Variants in ANKRD30BL observed in about 807,000 individuals in gnomAD.
The protein encoded by ANKRD30BL is putative ankyrin repeat domain-containing protein 30B-like.
ANKRD30BL carries 20 observed loss-of-function variants against 18.4 expected under a neutral mutation model. The ratio of observed to expected loss-of-function variants is 1.09; its 90% CI spans 0.77 to 1.58. The LOEUF (loss-of-function observed/expected upper bound fraction) is 1.58. ANKRD30BL is among the 40% of genes most tolerant of loss of function. The pLI is 0.00. For missense variants in ANKRD30BL, 224 were observed against 268.6 expected (o/e 0.83, Z 1.16); for synonymous variants, 72 against 100.9 (o/e 0.71, Z 1.72).
intron 1 of ANKRD30BL, among the ~76,000 whole-genome samples, chr2:132,205,913 C>G (rs1679203120): frequency 6.6e-6 from 1 of 152,156 alleles, no homozygotes; most frequent in South Asian, 2.1e-4. Flanking sequence ...GTAATCCCAG[C>G]ACTTTGGGAG....
At chr2:132,206,968 C>T (rs1305175506) in intron 1 of ANKRD30BL, among the ~76,000 whole-genome samples, 1 of 152,164 alleles carries the variant, frequency 6.6e-6, no homozygotes, top group African/African-American at 2.4e-5. Context: ...CTCCTCCCTG[C>T]GTCTCTGTTT....
At chr2:132,251,474 T>C (rs1680647259) in intron 1 of ANKRD30BL, among the ~76,000 whole-genome samples, 2 of 152,242 alleles carry the variant, frequency 1.3e-5, no homozygotes, top group African/African-American at 4.8e-5. Context: ...CACGTTTTCC[T>C]CCACCCCTTC....
chr2:132,160,862 G>T (rs1398905759), intron 1 of ANKRD30BL, among the ~76,000 whole-genome samples: 2 of 151,264 alleles, frequency 1.3e-5, no homozygotes, highest in African/African-American at 4.9e-5. Context: ...ATGTTAAAAC[G>T]TTGATAACTT....
At chr2:132,242,995 A>G (rs62164000) in intron 1 of ANKRD30BL, among the ~76,000 whole-genome samples, 1 of 151,540 alleles carries the variant, frequency 6.6e-6, no homozygotes, top group East Asian at 1.9e-4. Context: ...CTCTTCTTGT[A>G]GTATTTACAA....
chr2:132,184,088 T>C (rs183201891), intron 1 of ANKRD30BL, among the ~76,000 whole-genome samples: 8 of 152,196 alleles, frequency 5.3e-5, no homozygotes, highest in African/African-American at 1.4e-4. Flanking sequence ...GATTTTTTTT[T>C]TTTGAGATGA....
Position 132,249,332 on chromosome 2 carries a change from C to A in ANKRD30BL, n.441+8197G>T, listed in dbSNP as rs905837816. On this transcript the variant is annotated intron_variant and non_coding_transcript_variant, in intron 1 of 4. Coordinates refer to the ANKRD30BL transcript ENST00000470729. The stretch of plus-strand genomic sequence containing the variant: ...TTTTCACCATAAGCCTGAAAGTGTT[C>A]ACAAATATCCATTTGCAGATTCTAC... Among the ~76,000 whole-genome samples, 70 of 151,564 alleles carry A rather than the reference C, an allele frequency of 4.6e-4. 1 individual carries two copies. The highest frequency in any genetic ancestry group is 8.4e-4 in the Non-Finnish European group (57 of 67,834).
At chr2:132,232,678 G>C (rs1435247141) in intron 1 of ANKRD30BL, among the ~76,000 whole-genome samples, 1 of 152,092 alleles carries the variant, frequency 6.6e-6, no homozygotes, top group East Asian at 1.9e-4. Flanking sequence ...AGAAATATGG[G>C]ACTATGTGAA....
chr2:132,222,030 T>C (rs1679703316), intron 1 of ANKRD30BL, among the ~76,000 whole-genome samples: 2 of 89,652 alleles, frequency 2.2e-5, no homozygotes, highest in Non-Finnish European at 2.1e-5. Flanking sequence ...AGCCACCCTG[T>C]CCGGGAGGGA....
At chr2:132,202,394 A>T (rs565212288) in intron 1 of ANKRD30BL, among the ~76,000 whole-genome samples, 38 of 149,878 alleles carry the variant, frequency 2.5e-4, no homozygotes, top group African/African-American at 8.6e-4. Context: ...TTAAAGTAAA[A>T]TAAAAATTTG....
At chr2:132,244,776 C>G (rs1010171544) in intron 1 of ANKRD30BL, among the ~76,000 whole-genome samples, 2 of 152,296 alleles carry the variant, frequency 1.3e-5, no homozygotes, top group African/African-American at 4.8e-5. Context: ...AAAAACTAGA[C>G]AGAAGCATTC....
At chr2:132,253,453 G>A (rs1311076443) in intron 1 of ANKRD30BL, 2 of 152,598 alleles carry the variant, frequency 1.3e-5, no homozygotes, top group African/African-American at 4.8e-5. Flanking sequence ...ACAACACAGA[G>A]AGGTGGTGCC....
At chr2:132,163,730 G>A (rs1263782175), upstream of ANKRD30BL, among the ~76,000 whole-genome samples, 1 of 152,206 alleles carries the variant, frequency 6.6e-6, no homozygotes, top group African/African-American at 2.4e-5. Flanking sequence ...CCAGCTGCAG[G>A]AGGGTGGGAA....
At chr2:132,247,604 A>G (rs540914757) in intron 1 of ANKRD30BL, among the ~76,000 whole-genome samples, 233 of 152,032 alleles carry the variant, frequency 1.5e-3, no homozygotes, top group Non-Finnish European at 2.6e-3. Context: ...TTATCTCCAT[A>G]GGCCTCAAAA....
chr2:132,230,905 G>A (rs1573870532), intron 1 of ANKRD30BL, among the ~76,000 whole-genome samples: 1 of 152,036 alleles, frequency 6.6e-6, no homozygotes, highest in East Asian at 1.9e-4. Flanking sequence ...TTTTGATAGA[G>A]CAGTTTTGAA....
At chr2:132,171,132 G>A (rs186270483) in intron 1 of ANKRD30BL, among the ~76,000 whole-genome samples, 66 of 139,430 alleles carry the variant, frequency 4.7e-4, no homozygotes, top group African/African-American at 1.8e-3. Flanking sequence ...TCCAGCCTGG[G>A]AGACAGAGCC....
chr2:132,231,970 G>A (rs1680032251), intron 1 of ANKRD30BL, among the ~76,000 whole-genome samples: 1 of 152,190 alleles, frequency 6.6e-6, no homozygotes, highest in Non-Finnish European at 1.5e-5. Flanking sequence ...GGTTCTCCCA[G>A]CATGCAGCTG....
intron 1 of ANKRD30BL, among the ~76,000 whole-genome samples, chr2:132,194,077 A>T (rs1019054311): frequency 4.7e-5 from 7 of 150,372 alleles, no homozygotes; most frequent in African/African-American, 1.2e-4. Context: ...ACACACACTC[A>T]CACACACACA....
intron 1 of ANKRD30BL, among the ~76,000 whole-genome samples, chr2:132,167,930 T>A (rs1347945558): frequency 2.0e-5 from 3 of 152,178 alleles, no homozygotes; most frequent in Non-Finnish European, 4.4e-5. Context: ...TAATTACCCA[T>A]TTTTTGTAAC....
upstream of ANKRD30BL, among the ~76,000 whole-genome samples, chr2:132,162,377 G>A (rs1289893407): frequency 6.6e-6 from 1 of 152,224 alleles, no homozygotes; most frequent in Non-Finnish European, 1.5e-5. Flanking sequence ...TGAGCCCATG[G>A]TAGAGGCTAC....
Sources: allele counts gnomAD v4.1 joint callset (sites outside exome capture counted in the v4.1 genomes callset), GRCh38; gene constraint gnomAD v4.1.1; transcripts MANE v1.5; gene names NCBI Gene and HGNC (gene_info 2026-07-23, HGNC 2026-07-21).